The following HAL variants were observed in gnomAD, a reference collection of about 807,000 sequenced individuals.
HAL encodes the protein histidine ammonia-lyase.
In HAL, 85 loss-of-function variants were observed where a neutral mutation model predicts 81.1. The observed-to-expected ratio is 1.05, with a 90% CI of 0.88 to 1.25. The LOEUF is 1.25. HAL is among the 50% of genes most tolerant of loss of function. The pLI is 0.00. For synonymous variants in HAL, 301 were observed against 309.2 expected (o/e 0.97, Z 0.28); for missense variants, 798 against 836.6 (o/e 0.95, Z 0.57).
intron 2 of HAL, 143 bp from the exon 3 acceptor site, chr12:95,995,136 C>G (rs1340638194): frequency 8.3e-6 from 6 of 720,628 alleles, no homozygotes; most frequent in Non-Finnish European, 1.5e-5. Context: ...TTCATGTGGT[C>G]TTAGCATCTT....
At chr12:95,980,903 G>C (rs2080786859) in intron 15 of HAL, 40 bp from the exon 16 acceptor site, 2 of 1,178,368 alleles carry the variant, frequency 1.7e-6, no homozygotes, top group Non-Finnish European at 2.6e-6. Context: ...ATGTTTGCTG[G>C]TCACTTCAAG....
intron 14 of HAL, 23 bp downstream of exon 14, chr12:95,985,885 C>CTTTTTTT (rs759405336): frequency 2.0e-5 from 25 of 1,224,574 alleles, no homozygotes; most frequent in African/African-American, 7.6e-5. Flanking sequence ...TTTTATTGAC[C>CTTTTTTT]TTTTTTTTTT....
chr12:95,983,974 A>G lies in HAL; in HGVS notation c.1224T>C (p.Asn408=). ...TGTTCTTCACAAATGCTATTGTATC[A>G]TTCACCACACCATGGACCTAAAATA... ...RCCPQVHGVV[N]DTIAFVKNII... Residue 408 remains asparagine, a synonymous_variant, in exon 15 of 21, where the codon AAT becomes AAC. Transcript: ENST00000261208. 1.3e-6 allele frequency: 2 copies of G among 1,568,706 alleles called. No individual in the cohort carries two copies. Among genetic ancestry groups the G allele is most frequent in the Non-Finnish European group, 8.8e-7 (1 of 1,139,358 alleles).
chr12:95,978,944 TC>T (rs2080758989), intron 17 of HAL, among the ~76,000 whole-genome samples: 1 of 152,200 alleles, frequency 6.6e-6, no homozygotes, highest in Non-Finnish European at 1.5e-5. Context: ...TGCTACTTTG[TC>T]AAGGTCATGT....
intron 20 of HAL, 38 bp from the exon 21 acceptor site, chr12:95,974,410 G>T: frequency 1.3e-6 from 2 of 1,598,220 alleles, no homozygotes; most frequent in South Asian, 1.1e-5. Context: ...AAATATTGAC[G>T]ACATTGTTTC....
intron 15 of HAL, among the ~76,000 whole-genome samples, chr12:95,982,594 A>C (rs2080807393): frequency 6.6e-6 from 1 of 152,166 alleles, no homozygotes; most frequent in South Asian, 2.1e-4. Flanking sequence ...AGAGACCCAC[A>C]ATTTCTGAGG....
intron 20 of HAL, 54 bp downstream of exon 20, chr12:95,976,375 T>C: frequency 7.2e-7 from 1 of 1,380,372 alleles, no homozygotes; most frequent in Non-Finnish European, 1.0e-6. Context: ...CATCCCCGAC[T>C]TTGCTTTCCT....
chr12:95,984,054 TAAA>T, intron 14 of HAL, 63 bp from the exon 15 acceptor site: 1 of 800,154 alleles, frequency 1.2e-6, no homozygotes, highest in Non-Finnish European at 2.2e-6. Flanking sequence ...CCAATATTCT[TAAA>T]AGAATATAGA....
chr12:95,975,977 G>A (rs908965570), intron 20 of HAL: 2 of 320,960 alleles, frequency 6.2e-6, no homozygotes, highest in African/African-American at 2.2e-5. Context: ...TCTCACCAGA[G>A]CACTAGACAG....
chr12:95,993,752 T>C lies in HAL; in HGVS notation c.551+20A>G. On this transcript the variant is annotated intron_variant, in intron 7 of 20. Transcript: ENST00000261208. Reference sequence around the variant, plus strand: ...GATGAGGGTAGGTGGAACGTGAACATATGTGTGTTTTAAACTTACTGTAGC... The same window carrying C: ...GATGAGGGTAGGTGGAACGTGAACACATGTGTGTTTTAAACTTACTGTAGC... The C allele has an allele frequency of 2.2e-6, 3 of 1,348,014 alleles. No individual in the cohort carries two copies. The highest frequency in any genetic ancestry group is 3.2e-6 in the Non-Finnish European group (3 of 936,826). 83.5% of individuals were successfully genotyped at this position (1,348,014 alleles called of 1,614,324 possible).
At chr12:95,985,502 A>G (rs1592843685) in intron 14 of HAL, among the ~76,000 whole-genome samples, 1 of 152,032 alleles carries the variant, frequency 6.6e-6, no homozygotes, top group Admixed American at 6.6e-5. Context: ...AGGCAGGAGA[A>G]TCACTTGAAC....
At position 95,996,284 on chromosome 12, in the gene HAL, TTCTG is replaced by T. The variant is rs1950035620; in HGVS notation, c.-292_-289del. ...CCCCAATTTCTCTCTCTTCCCTCGT[TTCTG>T]TCTGTGTTCTCTGCCATTAAGGGCA... On this transcript the variant is annotated 5_prime_UTR_variant, in exon 1 of 21. An upstream open reading frame in the 5' UTR loses its in-frame stop. Transcript: ENST00000261208. The T allele has an allele frequency of 3.3e-6, 1 of 306,466 alleles. No individual in the cohort carries two copies. Among genetic ancestry groups the T allele is most frequent in the Non-Finnish European group, 6.4e-6 (1 of 156,100 alleles). 19.0% of individuals were successfully genotyped at this position (306,466 alleles called of 1,614,324 possible).
chr12:95,978,740 G>C (rs1204094725), intron 17 of HAL, among the ~76,000 whole-genome samples: 2 of 152,120 alleles, frequency 1.3e-5, no homozygotes, highest in African/African-American at 2.4e-5. Context: ...TTGTTGGTCT[G>C]AGGACTACAC....
Position 95,973,852 on chromosome 12 carries a change from C to T in HAL, c.*380G>A. The stretch of plus-strand genomic sequence containing the variant: ...AAAAAAAAAAAAGGTTAACAAAAGT[C>T]TAATGTTTTTAGAAAAAATTGCTAT... On this transcript the variant is annotated 3_prime_UTR_variant, in exon 21 of 21. Transcript: ENST00000261208. 5.8e-6 allele frequency: 1 copy of T among 171,684 alleles called. No individual in the cohort carries two copies. Among genetic ancestry groups the T allele is most frequent in the South Asian group, 1.5e-4 (1 of 6,658 alleles). 10.6% of individuals were successfully genotyped at this position (171,684 alleles called of 1,614,324 possible).
Position 95,988,260 on chromosome 12 carries a change from A to G in HAL, c.856-20T>C, listed in dbSNP as rs945374093. On this transcript the variant is annotated intron_variant, in intron 10 of 20. Transcript: ENST00000261208. ...TAGCACCTATAGAATGATTAAAAAT[A>G]TGAAAATGGGTATCAAATGAAATAC... The G allele has an allele frequency of 9.2e-6, 12 of 1,310,176 alleles. No individual in the cohort carries two copies. The African/African-American group carries it at 1.4e-4, about 16-fold the overall frequency. 81.2% of individuals were successfully genotyped at this position (1,310,176 alleles called of 1,614,324 possible).
intron 4 of HAL, among the ~76,000 whole-genome samples, chr12:95,994,404 T>G (rs3741815): frequency 0.18 from 27,897 of 152,008 alleles, 2,888 homozygotes; most frequent in Non-Finnish European, 0.25. Context: ...TTGGTTGGTT[T>G]GTTTGTTTTG....
At chr12:95,987,733 G>T (rs1159773120) in intron 11 of HAL, among the ~76,000 whole-genome samples, 1 of 152,102 alleles carries the variant, frequency 6.6e-6, no homozygotes, top group Non-Finnish European at 1.5e-5. Context: ...TTTTGAGACA[G>T]GGTCTTACTG....
chr12:95,978,049 A>G lies in HAL; in HGVS notation c.1549T>C (p.Ser517Pro). 1 of 1,613,836 alleles carries G rather than the reference A, an allele frequency of 6.2e-7. No individual in the cohort carries two copies. The highest frequency in any genetic ancestry group is 1.1e-5 in the South Asian group (1 of 91,078). ...VSENKALCHP[S>P]SVDSLSTSAA... Reference sequence around the variant, plus strand: ...CTGGTGGAGAGGGAGTCAACAGACGAGGGATGGCACAGAGCCTTGTTCTCA... The same window carrying G: ...CTGGTGGAGAGGGAGTCAACAGACGGGGGATGGCACAGAGCCTTGTTCTCA... The change falls in exon 18 of 21, where the codon TCG becomes CCG. Residue 517 changes from serine (S) to proline (P), a missense_variant. Transcript: ENST00000261208.
At chr12:95,977,642 C>A (rs1365034333) in intron 18 of HAL, among the ~76,000 whole-genome samples, 256 of 99,822 alleles carry the variant, frequency 2.6e-3, no homozygotes, top group Admixed American at 3.5e-3. Context: ...GATCCTGCCT[C>A]AAAAAAAAAA....
Sources: gnomAD v4.1 joint callset for allele counts (sites outside exome capture counted in the v4.1 genomes callset) on GRCh38, gnomAD v4.1.1 for gene constraint, MANE v1.5 for transcripts, NCBI Gene and HGNC (gene_info 2026-07-23, HGNC 2026-07-21) for gene names.